DLG2: variants seen among roughly 807,000 people sequenced by gnomAD.
The protein encoded by DLG2 is discs large MAGUK scaffold protein 2, also known as disks large homolog 2.
A neutral mutation model predicts 132.5 loss-of-function variants in DLG2; 45 were observed. That is an observed-to-expected ratio of 0.34 (90% CI 0.27 to 0.44). The LOEUF (loss-of-function observed/expected upper bound fraction) is 0.44. Among genes scored for constraint, DLG2 ranks in the 20% least tolerant of loss-of-function variants. DLG2 has a pLI of 1.00. For missense variants in DLG2, 1,045 were observed against 1,196.9 expected, an observed-to-expected ratio of 0.87 and a Z score of 1.87; for synonymous variants, 424 against 419.6, an observed-to-expected ratio of 1.01 and a Z score of -0.13.
intron 3 of DLG2, among the ~76,000 whole-genome samples, chr11:85,464,140 G>C (rs779340913): frequency 1.3e-4 from 19 of 151,594 alleles, no homozygotes; most frequent in Non-Finnish European, 2.2e-4. Context: ...TGAAACTTAA[G>C]TTTAGTTTCC....
At chr11:84,109,453 TG>T (rs2093205146) in intron 9 of DLG2, among the ~76,000 whole-genome samples, 1 of 152,302 alleles carries the variant, frequency 6.6e-6, no homozygotes, top group African/African-American at 2.4e-5. Flanking sequence ...TAGAATAGGC[TG>T]GGTGGATTGA....
At chr11:84,924,817 T>C (rs73518973) in intron 6 of DLG2, among the ~76,000 whole-genome samples, 62 of 152,286 alleles carry the variant, frequency 4.1e-4, no homozygotes, top group African/African-American at 1.4e-3. Flanking sequence ...TTACAAATTA[T>C]AAGCACTTAC....
intron 7 of DLG2, among the ~76,000 whole-genome samples, chr11:84,395,836 A>T (rs2098809071): frequency 6.6e-6 from 1 of 152,260 alleles, no homozygotes; most frequent in African/African-American, 2.4e-5. Flanking sequence ...ATTGTATCCA[A>T]CATTTGTAGT....
chr11:84,886,152 G>C lies in DLG2; in HGVS notation c.357+225509C>G, dbSNP rs75355061. ...AGGTCAGGAAAAGCTTTGAAGAATGGATAATACTGAAATATAAGCTAGGTT... is the reference window on the plus strand; with the variant it reads ...AGGTCAGGAAAAGCTTTGAAGAATGCATAATACTGAAATATAAGCTAGGTT... On this transcript the variant is annotated intron_variant, in intron 6 of 27. Coordinates refer to ENST00000376104, the MANE Select transcript of DLG2 (RefSeq NM_001142699.3). Among the ~76,000 whole-genome samples the C allele has an allele frequency of 8.3e-3, 1,259 of 152,202 alleles. 25 individuals carry two copies. Among genetic ancestry groups the C allele is most frequent in the African/African-American group, 0.028 (1,176 of 41,532 alleles).
At chr11:83,924,630 C>T (rs12287742) in intron 15 of DLG2, among the ~76,000 whole-genome samples, 12,012 of 152,162 alleles carry the variant, frequency 0.079, 653 homozygotes, top group Middle Eastern at 0.2. Context: ...AAGCTATGAA[C>T]GGAAACAGTC....
At chr11:85,022,213 A>G (rs576914713) in intron 6 of DLG2, among the ~76,000 whole-genome samples, 95 of 152,164 alleles carry the variant, frequency 6.2e-4, no homozygotes, top group Non-Finnish European at 9.4e-4. Flanking sequence ...TCAAGATATT[A>G]GAAAAAATGC....
intron 6 of DLG2, among the ~76,000 whole-genome samples, chr11:85,034,252 G>A (rs897318661): frequency 1.3e-5 from 2 of 151,802 alleles, no homozygotes; most frequent in African/African-American, 2.4e-5. Flanking sequence ...TAATTTTTTT[G>A]TATTTTTAGT....
At chr11:85,135,523 A>G (rs1435282320) in intron 5 of DLG2, among the ~76,000 whole-genome samples, 6 of 152,212 alleles carry the variant, frequency 3.9e-5, no homozygotes, top group Admixed American at 2.6e-4. Context: ...AGGGAGCCTG[A>G]TTAGTCTTCT....
intron 6 of DLG2, among the ~76,000 whole-genome samples, chr11:84,892,084 T>C (rs1193914335): frequency 6.6e-6 from 1 of 152,194 alleles, no homozygotes. Flanking sequence ...TCTACAGTTA[T>C]ACTTGGGAAT....
chr11:84,839,598 A>G (rs2154006157), intron 6 of DLG2, among the ~76,000 whole-genome samples: 1 of 152,288 alleles, frequency 6.6e-6, no homozygotes, highest in Middle Eastern at 3.4e-3. Context: ...AAACTATATT[A>G]CAAGGCTACA....
intron 2 of DLG2, among the ~76,000 whole-genome samples, chr11:85,601,737 T>C (rs1381377410): frequency 6.6e-6 from 1 of 152,188 alleles, no homozygotes; most frequent in African/African-American, 2.4e-5. Flanking sequence ...CACACCATTA[T>C]TTCCAGGGCA....
At chr11:83,770,344 T>A (rs1456598906) in intron 18 of DLG2, among the ~76,000 whole-genome samples, 1 of 149,128 alleles carries the variant, frequency 6.7e-6, no homozygotes, top group Non-Finnish European at 1.5e-5. Flanking sequence ...AGTTCTTTAA[T>A]TAAAAAAAAA....
chr11:83,487,017 C>G (rs1591667571), intron 21 of DLG2, among the ~76,000 whole-genome samples: 1 of 151,392 alleles, frequency 6.6e-6, no homozygotes, highest in Admixed American at 6.6e-5. Context: ...AAATCTGTTA[C>G]ACGAGTGCTA....
At chr11:85,429,885 G>C (rs1487615826) in intron 3 of DLG2, among the ~76,000 whole-genome samples, 2 of 152,082 alleles carry the variant, frequency 1.3e-5, no homozygotes, top group East Asian at 3.8e-4. Context: ...TATAAAACAT[G>C]CTGCTATAAA....
intron 2 of DLG2, among the ~76,000 whole-genome samples, chr11:85,613,813 C>T (rs997570925): frequency 1.3e-5 from 2 of 152,182 alleles, no homozygotes; most frequent in African/African-American, 2.4e-5. Flanking sequence ...TTTGTTCTTT[C>T]GCTCTTTGCA....
chr11:84,573,208 T>C (rs188577036), intron 6 of DLG2, among the ~76,000 whole-genome samples: 56 of 152,274 alleles, frequency 3.7e-4, no homozygotes, highest in African/African-American at 1.3e-3. Flanking sequence ...TGTGAGATAA[T>C]TTTAGTAGCT....
In DLG2 at chr11:83,943,253, T is replaced by C. The variant is rs569553783; in HGVS notation, c.1341-12770A>G. On this transcript the variant is annotated intron_variant, in intron 14 of 27. Transcript: ENST00000376104. Reference sequence around the variant, plus strand: ...TTGTACCCCTTAAATATATAAAAATTTGTCAATTATACCTCAATAAAGCTG... The same window carrying C: ...TTGTACCCCTTAAATATATAAAAATCTGTCAATTATACCTCAATAAAGCTG... Among the ~76,000 whole-genome samples the C allele has an allele frequency of 5.9e-5, 9 of 152,270 alleles. No individual in the cohort carries two copies. In the East Asian group the frequency reaches 1.5e-3, roughly 26 times the overall value.
At chr11:84,421,730 G>A (rs886736229) in intron 7 of DLG2, among the ~76,000 whole-genome samples, 2 of 152,116 alleles carry the variant, frequency 1.3e-5, no homozygotes, top group Non-Finnish European at 2.9e-5. Flanking sequence ...GCTGACCTAA[G>A]CAAAGTCACA....
intron 6 of DLG2, among the ~76,000 whole-genome samples, chr11:85,104,012 C>T (rs2071298596): frequency 6.6e-6 from 1 of 151,894 alleles, no homozygotes; most frequent in East Asian, 1.9e-4. Context: ...AAATGAGATA[C>T]TACCTCACAC....
Sources: gnomAD v4.1 joint callset for allele counts (sites outside exome capture counted in the v4.1 genomes callset) on GRCh38, gnomAD v4.1.1 for gene constraint, MANE v1.5 for transcripts, NCBI Gene and HGNC (gene_info 2026-07-23, HGNC 2026-07-21) for gene names.